TENM3: variants seen among roughly 807,000 people sequenced by gnomAD.
The protein encoded by TENM3 is teneurin transmembrane protein 3.
In TENM3, 63 loss-of-function variants were observed where a neutral mutation model predicts 255.1. The ratio of observed to expected loss-of-function variants is 0.25; its 90% CI spans 0.20 to 0.30. The LOEUF is 0.30. Among genes scored for constraint, TENM3 ranks in the 10% least tolerant of loss-of-function variants. TENM3 has a pLI of 1.00. For missense variants in TENM3, 2,929 were observed against 3,461.1 expected, an observed-to-expected ratio of 0.85 and a Z score of 3.86; for synonymous variants, 1,306 against 1,322.3, an observed-to-expected ratio of 0.99 and a Z score of 0.27.
the TENM3 span, among the ~76,000 whole-genome samples, chr4:181,660,800 T>C: frequency 6.6e-6 from 1 of 152,310 alleles, no homozygotes; most frequent in African/African-American, 2.4e-5. Context: ...TGAGGCATTA[T>C]GGATGGATGA....
intron 1 of TENM3, among the ~76,000 whole-genome samples, chr4:182,222,016 A>G (rs1755878958): frequency 6.6e-6 from 1 of 152,174 alleles, no homozygotes; most frequent in African/African-American, 2.4e-5. Context: ...CCCTCAATCA[A>G]AACACCTGGA....
chr4:181,687,472 TCAA>T, the TENM3 span, among the ~76,000 whole-genome samples: 2 of 152,196 alleles, frequency 1.3e-5, no homozygotes, highest in Non-Finnish European at 2.9e-5. Context: ...CTTATCATTT[TCAA>T]CAACATTTTA....
At chr4:181,554,504 G>T in the TENM3 span, among the ~76,000 whole-genome samples, 1 of 152,258 alleles carries the variant, frequency 6.6e-6, no homozygotes, top group South Asian at 2.1e-4. Flanking sequence ...AGATTCAAGA[G>T]AATCTAGTTC....
intron 13 of TENM3, 89 bp from the exon 14 acceptor site, chr4:182,728,876 A>G (rs1760447230): frequency 1.0e-6 from 1 of 985,142 alleles, no homozygotes; most frequent in Non-Finnish European, 1.5e-6. Flanking sequence ...TTGATGTGAA[A>G]AAAAAAAAAA....
chr4:182,089,439 A>G, the TENM3 span, among the ~76,000 whole-genome samples: 4 of 152,198 alleles, frequency 2.6e-5, no homozygotes, highest in African/African-American at 9.7e-5. Flanking sequence ...AAATCTTTAC[A>G]GCTGCAACCA....
chr4:182,169,281 A>G (rs768243165), intron 1 of TENM3: 2 of 479,542 alleles, frequency 4.2e-6, no homozygotes, highest in Non-Finnish European at 8.7e-6. Flanking sequence ...AATTTGGGGT[A>G]TAGCATTTCA....
intron 1 of TENM3, among the ~76,000 whole-genome samples, chr4:182,200,826 C>CTTTT (rs11389090): frequency 3.0e-5 from 4 of 135,394 alleles, no homozygotes; most frequent in Non-Finnish European, 6.2e-5. Context: ...ACTAGAGTGC[C>CTTTT]TTTTTTTTTT....
the TENM3 span, among the ~76,000 whole-genome samples, chr4:182,001,979 A>G: frequency 6.6e-6 from 1 of 152,172 alleles, no homozygotes; most frequent in Non-Finnish European, 1.5e-5. Context: ...TAACCATCAC[A>G]TACCAATAAA....
At chr4:182,382,671 G>T (rs1767650662) in intron 3 of TENM3, among the ~76,000 whole-genome samples, 1 of 152,142 alleles carries the variant, frequency 6.6e-6, no homozygotes, top group African/African-American at 2.4e-5. Flanking sequence ...CCACACCACA[G>T]TGTCCATGAT....
chr4:181,787,968 G>A, the TENM3 span, among the ~76,000 whole-genome samples: 33 of 152,264 alleles, frequency 2.2e-4, no homozygotes, highest in East Asian at 6.0e-3. Context: ...ATACTCCACA[G>A]AGTGAGACCT....
the TENM3 span, among the ~76,000 whole-genome samples, chr4:182,069,335 A>G: frequency 2.6e-5 from 4 of 152,168 alleles, no homozygotes; most frequent in Admixed American, 6.5e-5. Context: ...ATTGTTTTGT[A>G]TCATAACATC....
chr4:181,918,240 A>G, the TENM3 span, among the ~76,000 whole-genome samples: 2 of 152,190 alleles, frequency 1.3e-5, no homozygotes, highest in Non-Finnish European at 2.9e-5. Context: ...TTGCATATTC[A>G]TTCTAACAGT....
chr4:181,779,880 A>G, the TENM3 span, among the ~76,000 whole-genome samples: 1 of 152,142 alleles, frequency 6.6e-6, no homozygotes, highest in African/African-American at 2.4e-5. Flanking sequence ...GAGTGAGAAC[A>G]TGCAGTGTTT....
intron 2 of TENM3, among the ~76,000 whole-genome samples, chr4:182,325,147 A>G (rs890885111): frequency 6.6e-6 from 1 of 152,218 alleles, no homozygotes; most frequent in Non-Finnish European, 1.5e-5. Flanking sequence ...TTAATCTGGA[A>G]ATGAGAAAAA....
intron 3 of TENM3, among the ~76,000 whole-genome samples, chr4:182,399,373 T>C (rs1164581024): frequency 6.6e-6 from 1 of 152,212 alleles, no homozygotes; most frequent in Non-Finnish European, 1.5e-5. Context: ...GTGTTAACTG[T>C]TTCCTTTCAG....
At chr4:182,219,622 G>A (rs890582475) in intron 1 of TENM3, among the ~76,000 whole-genome samples, 6 of 151,936 alleles carry the variant, frequency 3.9e-5, no homozygotes, top group African/African-American at 1.5e-4. Flanking sequence ...TCATCATCGC[G>A]CCACTGCACT....
the TENM3 span, among the ~76,000 whole-genome samples, chr4:181,449,133 CA>C: frequency 6.6e-6 from 1 of 152,148 alleles, no homozygotes; most frequent in African/African-American, 2.4e-5. Context: ...CATATTTTTA[CA>C]CTTTATTTTT....
At chr4:181,945,714 GTTAA>G in the TENM3 span, among the ~76,000 whole-genome samples, 644 of 152,126 alleles carry the variant, frequency 4.2e-3, 2 homozygotes, top group African/African-American at 0.015. Context: ...TTTATATTTC[GTTAA>G]TTATCTACAA....
chr4:181,747,572 T>C, the TENM3 span, among the ~76,000 whole-genome samples: 1 of 151,996 alleles, frequency 6.6e-6, no homozygotes, highest in Non-Finnish European at 1.5e-5. Context: ...TTATGATTGA[T>C]TTAAATATTT....
Sources: allele counts gnomAD v4.1 joint callset (sites outside exome capture counted in the v4.1 genomes callset), GRCh38; gene constraint gnomAD v4.1.1; transcripts MANE v1.5; gene names NCBI Gene and HGNC (gene_info 2026-07-23, HGNC 2026-07-21).